BTBD9: variants seen among roughly 807,000 people sequenced by gnomAD.
The protein encoded by BTBD9 is BTB domain containing 9, also known as BTB/POZ domain-containing protein 9.
Under a neutral mutation model 64.3 loss-of-function variants are expected in BTBD9, and 49 were observed. The observed-to-expected ratio is 0.76, with a 90% CI of 0.61 to 0.97. BTBD9 has a LOEUF of 0.97. BTBD9 is among the 50% of genes least tolerant of loss of function. The probability of loss-of-function intolerance (pLI) is 0.00; values close to 1 mark genes in which losing one functional copy is unlikely to be tolerated. For synonymous variants in BTBD9, 260 were observed against 274.7 expected (o/e 0.95, Z 0.53); for missense variants, 598 against 762.1 (o/e 0.78, Z 2.53).
intron 7 of BTBD9, among the ~76,000 whole-genome samples, chr6:38,342,144 T>C (rs976681883): frequency 1.3e-5 from 2 of 152,058 alleles, no homozygotes; most frequent in Admixed American, 1.3e-4. Flanking sequence ...ATTATAAAAG[T>C]GATTTTTAAG....
chr6:38,267,895 G>A (rs1163971455), intron 8 of BTBD9, among the ~76,000 whole-genome samples: 7 of 152,244 alleles, frequency 4.6e-5, no homozygotes, highest in East Asian at 3.9e-4. Context: ...AGCCGAGATC[G>A]CACCACTGCA....
chr6:38,206,898 G>A (rs915476574), intron 9 of BTBD9, among the ~76,000 whole-genome samples: 3 of 152,056 alleles, frequency 2.0e-5, no homozygotes, highest in Non-Finnish European at 4.4e-5. Flanking sequence ...AAATCTAAAA[G>A]TCTGACCATG....
chr6:38,322,037 G>A (rs954175343), intron 7 of BTBD9, among the ~76,000 whole-genome samples: 1 of 151,888 alleles, frequency 6.6e-6, no homozygotes, highest in Non-Finnish European at 1.5e-5. Context: ...ATTAGTATAT[G>A]AGACAAAATG....
chr6:38,490,037 C>T (rs1212344256), intron 6 of BTBD9, among the ~76,000 whole-genome samples: 2 of 152,150 alleles, frequency 1.3e-5, no homozygotes, highest in East Asian at 1.9e-4. Context: ...GGATGATCTA[C>T]CGAAGCTGGC....
At chr6:38,593,116 AAAAGAAAAACGCC>A (rs1172097487) in intron 3 of BTBD9, among the ~76,000 whole-genome samples, 1 of 152,232 alleles carries the variant, frequency 6.6e-6, no homozygotes, top group Non-Finnish European at 1.5e-5. Context: ...TAAAACAGCA[AAAAGAAAAACGCC>A]AAAGTGAAAA....
intron 6 of BTBD9, among the ~76,000 whole-genome samples, chr6:38,465,707 T>TTATATATATATATA (rs1157324453): frequency 3.2e-4 from 15 of 46,834 alleles, no homozygotes; most frequent in Non-Finnish European, 3.9e-4. Flanking sequence ...AATAAATAAA[T>TTATATATATATATA]TATATATATA....
Position 38,410,386 on chromosome 6 carries a change from T to C in BTBD9, c.1155-65293A>G, listed in dbSNP as rs145640652. ...GCTACCTGGGAGGCTGAGGGGAGGATCACTTGAGCCCAGGAGGCTGGGGCT... is the reference window on the plus strand; with the variant it reads ...GCTACCTGGGAGGCTGAGGGGAGGACCACTTGAGCCCAGGAGGCTGGGGCT... On this transcript the variant is annotated intron_variant, in intron 6 of 10. Coordinates refer to ENST00000481247, the MANE Select transcript of BTBD9 (RefSeq NM_001099272.2). 2.2e-3 allele frequency among the ~76,000 whole-genome samples: 340 copies of C among 152,088 alleles called. 2 individuals are homozygous for C. Among genetic ancestry groups the C allele is most frequent in the African/African-American group, 7.8e-3 (325 of 41,482 alleles).
intron 7 of BTBD9, among the ~76,000 whole-genome samples, chr6:38,309,784 G>GA (rs1408668112): frequency 1.3e-5 from 2 of 150,844 alleles, no homozygotes; most frequent in Admixed American, 1.3e-4. Context: ...TTTTAAGCTA[G>GA]AGGCTGTATC....
At chr6:38,389,475 A>G (rs1409082102) in intron 6 of BTBD9, among the ~76,000 whole-genome samples, 1 of 152,242 alleles carries the variant, frequency 6.6e-6, no homozygotes, top group African/African-American at 2.4e-5. Context: ...TGCACTACAC[A>G]TACAGCCCCA....
intron 9 of BTBD9, among the ~76,000 whole-genome samples, chr6:38,195,107 C>G (rs907354401): frequency 6.6e-5 from 10 of 152,142 alleles, no homozygotes; most frequent in African/African-American, 2.4e-4. Context: ...TCTGTCTCCC[C>G]CCATCAGATT....
chr6:38,542,371 C>T, intron 6 of BTBD9, among the ~76,000 whole-genome samples: 1 of 152,098 alleles, frequency 6.6e-6, no homozygotes, highest in Non-Finnish European at 1.5e-5. Context: ...TGCCAAAAAC[C>T]CAGTGTCAAG....
chr6:38,243,911 C>A (rs1014059627), intron 9 of BTBD9, among the ~76,000 whole-genome samples: 1 of 152,068 alleles, frequency 6.6e-6, no homozygotes, highest in African/African-American at 2.4e-5. Flanking sequence ...GAAGAAAACA[C>A]GAGCCTCTTA....
chr6:38,345,297 A>G (rs1026298335), intron 6 of BTBD9, among the ~76,000 whole-genome samples: 2 of 152,240 alleles, frequency 1.3e-5, no homozygotes, highest in African/African-American at 4.8e-5. Context: ...AAAATAAGGG[A>G]CATGTCATTT....
At chr6:38,397,755 G>T (rs1766744772) in intron 6 of BTBD9, among the ~76,000 whole-genome samples, 1 of 152,186 alleles carries the variant, frequency 6.6e-6, no homozygotes. Flanking sequence ...GATTGTGATA[G>T]GTGTTATACA....
chr6:38,363,287 G>A (rs935233250), intron 6 of BTBD9, among the ~76,000 whole-genome samples: 1 of 152,126 alleles, frequency 6.6e-6, no homozygotes, highest in Non-Finnish European at 1.5e-5. Flanking sequence ...TCTAGGCTGG[G>A]AGTAATGGTT....
rs1221214507 is a variant in BTBD9, at chr6:38,580,531, A to G, written c.815-94T>C. 2.9e-6 allele frequency: 3 copies of G among 1,045,496 alleles called. No individual in the cohort carries two copies. In the Admixed American group the frequency reaches 6.2e-5, roughly 22 times the overall value. 64.8% of individuals were successfully genotyped at this position (1,045,496 alleles called of 1,614,324 possible). A position where few individuals can be genotyped will look rare whatever the true frequency, so the allele number is the denominator to read the frequency against. Reference sequence around the variant, plus strand: ...CAATTCTAGCATTCCAGTTTATTCTAGTATCTGCATTTAAGAACAGCATAG... The same window carrying G: ...CAATTCTAGCATTCCAGTTTATTCTGGTATCTGCATTTAAGAACAGCATAG... On this transcript the variant is annotated intron_variant, in intron 4 of 10. Transcript: ENST00000481247.
intron 6 of BTBD9, among the ~76,000 whole-genome samples, chr6:38,557,883 T>G (rs1355448456): frequency 6.6e-6 from 1 of 152,198 alleles, no homozygotes; most frequent in African/African-American, 2.4e-5. Context: ...TAGAATCCAC[T>G]TTTCTGATTT....
At chr6:38,469,011 A>G (rs1562229304) in intron 6 of BTBD9, among the ~76,000 whole-genome samples, 1 of 152,174 alleles carries the variant, frequency 6.6e-6, no homozygotes, top group Non-Finnish European at 1.5e-5. Flanking sequence ...AAGAATTTCA[A>G]TCCTTACTAA....
At chr6:38,579,999 C>T (rs1776216873) in intron 5 of BTBD9, among the ~76,000 whole-genome samples, 1 of 152,052 alleles carries the variant, frequency 6.6e-6, no homozygotes, top group Admixed American at 6.5e-5. Context: ...TCTATGGTTT[C>T]TACAATAAAC....
Sources: allele counts gnomAD v4.1 joint callset (sites outside exome capture counted in the v4.1 genomes callset), GRCh38; gene constraint gnomAD v4.1.1; transcripts MANE v1.5; gene names NCBI Gene and HGNC (gene_info 2026-07-23, HGNC 2026-07-21).